Variants in TTC39A observed in about 807,000 individuals in gnomAD.
TTC39A encodes the protein tetratricopeptide repeat domain 39A, also known as tetratricopeptide repeat protein 39A.
Under a neutral mutation model 82.3 loss-of-function variants are expected in TTC39A, and 46 were observed. The ratio of observed to expected loss-of-function variants is 0.56; its 90% CI spans 0.44 to 0.71. TTC39A has a LOEUF of 0.71. TTC39A is among the 30% of genes least tolerant of loss of function. The pLI is 0.00. For synonymous variants in TTC39A, 254 were observed against 275.2 expected, an observed-to-expected ratio of 0.92 and a Z score of 0.76; for missense variants, 543 against 712.9, an observed-to-expected ratio of 0.76 and a Z score of 2.71.
Position 51,302,430 on chromosome 1 carries a change from C to G in TTC39A, c.832-14G>C. The G allele has an allele frequency of 6.2e-7, 1 of 1,608,610 alleles. No individual in the cohort carries two copies. The highest frequency in any genetic ancestry group is 8.5e-7 in the Non-Finnish European group (1 of 1,177,392). On this transcript the variant is annotated splice_polypyrimidine_tract_variant and intron_variant, in intron 10 of 17. Transcript: ENST00000680483. ...GAAGATGGCACCCTGCAATGACACA[C>G]ATGTAAGTCCGTGTGGGTCCGTGGG...
intron 1 of TTC39A, among the ~76,000 whole-genome samples, chr1:51,341,545 A>G (rs1229913021): frequency 1.3e-5 from 2 of 152,172 alleles, no homozygotes; most frequent in Non-Finnish European, 2.9e-5. Flanking sequence ...CATAACTGAT[A>G]GTGGGACAAA....
At chr1:51,312,982 G>C (rs751479968) in intron 2 of TTC39A, 39 bp from the exon 3 acceptor site, 10 of 1,596,934 alleles carry the variant, frequency 6.3e-6, no homozygotes, top group Non-Finnish European at 8.6e-6. Context: ...CCACCTTATA[G>C]AGCCCCAGAG....
intron 1 of TTC39A, among the ~76,000 whole-genome samples, chr1:51,343,446 C>G (rs1646061368): frequency 6.6e-6 from 1 of 152,236 alleles, no homozygotes; most frequent in African/African-American, 2.4e-5. Context: ...TCTTCCATCA[C>G]TCTCCCTCCT....
In TTC39A at chr1:51,290,632, G is replaced by C. The variant is rs371588725; in HGVS notation, c.1267-7C>G. On this transcript the variant is annotated splice_polypyrimidine_tract_variant and splice_region_variant and intron_variant, in intron 14 of 17. Coordinates refer to ENST00000680483, the MANE Select transcript of TTC39A (RefSeq NM_001297663.2). The stretch of plus-strand genomic sequence containing the variant: ...TCCAGATGTACATCATTTCCTGAAG[G>C]CAGGGGGGCAAGTCAGTCCTAGGTT... 3.7e-6 allele frequency: 6 copies of C among 1,609,688 alleles called. No homozygotes were observed. The highest frequency in any genetic ancestry group is 5.1e-6 in the Non-Finnish European group (6 of 1,177,802).
chr1:51,329,927 C>T (rs1298971800), intron 1 of TTC39A: 1 of 163,402 alleles, frequency 6.1e-6, no homozygotes, highest in Admixed American at 6.5e-5. Flanking sequence ...CCAATGGGCC[C>T]GGCTGGCCCA....
intron 4 of TTC39A, 96 bp downstream of exon 4, chr1:51,312,023 C>T: frequency 7.6e-7 from 1 of 1,319,718 alleles, no homozygotes; most frequent in Non-Finnish European, 1.0e-6. Flanking sequence ...GGGCCTGGCC[C>T]CCTAGGCGAT....
At chr1:51,313,607 T>A (rs1645170356) in intron 2 of TTC39A, among the ~76,000 whole-genome samples, 1 of 152,068 alleles carries the variant, frequency 6.6e-6, no homozygotes, top group Non-Finnish European at 1.5e-5. Flanking sequence ...ACATTCAAGA[T>A]TGCACCCCCA....
At chr1:51,302,713 G>T in intron 9 of TTC39A, 140 bp from the exon 10 acceptor site, 1 of 943,398 alleles carries the variant, frequency 1.1e-6, no homozygotes, top group Non-Finnish European at 1.7e-6. Flanking sequence ...TCCCTAGGGT[G>T]ACATGAGGAT....
rs546000284 is a variant in TTC39A at position 51,310,231 on chromosome 1, C to T, written c.424-906G>A. Among the ~76,000 whole-genome samples, 4 of 152,172 alleles carry T rather than the reference C, an allele frequency of 2.6e-5. No homozygotes were observed. In the East Asian group the frequency reaches 5.8e-4, roughly 22 times the overall value. ...CGGCCTGGGCGACAGAGCAAGACTC[C>T]GTCTCAACAACAACAACAACAAAAA... On this transcript the variant is annotated intron_variant, in intron 5 of 17. Coordinates refer to ENST00000680483, the MANE Select transcript of TTC39A (RefSeq NM_001297663.2).
At chr1:51,302,091 C>T (rs772273635) in intron 11 of TTC39A, 1 of 720,382 alleles carries the variant, frequency 1.4e-6, no homozygotes, top group Non-Finnish European at 2.6e-6. Context: ...TCAAGCACCT[C>T]CCTCCACCTC....
chr1:51,312,842 A>T lies in TTC39A; in HGVS notation c.248T>A (p.Met83Lys), dbSNP rs1169204824. The change falls in exon 3 of 18, where the codon ATG becomes AAG. Residue 83 changes from methionine (M) to lysine (K), a missense_variant. Transcript: ENST00000680483. ...DPQDILLAGNMMKEAQMLCQR... is the reference protein window; with the variant it reads ...DPQDILLAGNKMKEAQMLCQR... Reference sequence around the variant, plus strand: ...ACACAGCATCTGTGCCTCCTTCATCATGTTGCCGGCAAGCAGGATGTCCTG... The same window carrying T: ...ACACAGCATCTGTGCCTCCTTCATCTTGTTGCCGGCAAGCAGGATGTCCTG... 6 of 1,613,670 alleles carry T rather than the reference A, an allele frequency of 3.7e-6. No individual in the cohort carries two copies. Among genetic ancestry groups the T allele is most frequent in the Admixed American group, 3.3e-5 (2 of 60,006 alleles).
At chr1:51,331,682 T>A, upstream of TTC39A, 1 of 985,206 alleles carries the variant, frequency 1.0e-6, no homozygotes, top group Non-Finnish European at 1.2e-6. Flanking sequence ...TCCTGCCCAT[T>A]TGTGAGCAGG....
At chr1:51,291,242 G>A (rs763619893) in intron 14 of TTC39A, among the ~76,000 whole-genome samples, 43 of 152,064 alleles carry the variant, frequency 2.8e-4, no homozygotes, top group Admixed American at 1.3e-4. Flanking sequence ...TGTAATCCCA[G>A]CACTTTGGGA....
intron 7 of TTC39A, among the ~76,000 whole-genome samples, chr1:51,305,360 G>A (rs192244553): frequency 6.6e-6 from 1 of 152,276 alleles, no homozygotes; most frequent in East Asian, 1.9e-4. Flanking sequence ...AGGAAGCCTA[G>A]CCAGGAAACC....
At chr1:51,289,976 C>A in intron 16 of TTC39A, 29 bp downstream of exon 16, 1 of 1,590,750 alleles carries the variant, frequency 6.3e-7, no homozygotes, top group East Asian at 2.2e-5. Context: ...AGACTCAGAC[C>A]CAGAAGGAGC....
At chr1:51,324,185 A>G (rs1441962009) in intron 1 of TTC39A, among the ~76,000 whole-genome samples, 1 of 152,160 alleles carries the variant, frequency 6.6e-6, no homozygotes, top group African/African-American at 2.4e-5. Context: ...TCCCACCAGA[A>G]ATGCTGTCTA....
At chr1:51,343,289 C>A (rs1646059108) in intron 1 of TTC39A, among the ~76,000 whole-genome samples, 1 of 152,180 alleles carries the variant, frequency 6.6e-6, no homozygotes, top group Non-Finnish European at 1.5e-5. Context: ...CGTCTGTCCA[C>A]AAAAATCCTT....
Position 51,312,102 on chromosome 1 carries a change from T to C in TTC39A, c.355+17A>G. On this transcript the variant is annotated intron_variant, in intron 4 of 17. Coordinates refer to ENST00000680483, the MANE Select transcript of TTC39A (RefSeq NM_001297663.2). ...CCTGGGCTTAGCATGGTTGAAAGGA[T>C]GTCCTGGATGCCACACCTTCAGTGA... The C allele has an allele frequency of 6.2e-7, 1 of 1,607,944 alleles. No homozygotes were observed. Among genetic ancestry groups the C allele is most frequent in the South Asian group, 1.1e-5 (1 of 89,490 alleles).
Position 51,287,264 on chromosome 1 carries a change from A to G in TTC39A, c.*893T>C, listed in dbSNP as rs1032075179. The G allele has an allele frequency of 2.0e-5, 3 of 152,272 alleles. No homozygotes were observed. Among genetic ancestry groups the G allele is most frequent in the African/African-American group, 7.2e-5 (3 of 41,480 alleles). The allele number at this position is 152,272 out of a possible 1,614,324, so 9.4% of individuals were successfully genotyped here. A position where few individuals can be genotyped will look rare whatever the true frequency, so the allele number is the denominator to read the frequency against. The stretch of plus-strand genomic sequence containing the variant: ...CTAACGCATACACAACAGGTCAAGA[A>G]TAACAGTTTTAACAAAAATGCTGTC... On this transcript the variant is annotated 3_prime_UTR_variant, in exon 18 of 18. Transcript: ENST00000680483.
Sources: gnomAD v4.1 joint callset for allele counts (sites outside exome capture counted in the v4.1 genomes callset) on GRCh38, gnomAD v4.1.1 for gene constraint, MANE v1.5 for transcripts, NCBI Gene and HGNC (gene_info 2026-07-23, HGNC 2026-07-21) for gene names.